DLG2: variants seen among roughly 807,000 people sequenced by gnomAD.
The protein encoded by DLG2 is disks large homolog 2.
Under a neutral mutation model 132.5 loss-of-function variants are expected in DLG2, and 45 were observed. That is an observed-to-expected ratio of 0.34 (90% confidence interval 0.27 to 0.44). The LOEUF is 0.44. DLG2 is among the 20% of genes least tolerant of loss of function. The pLI is 1.00. For synonymous variants in DLG2, 424 were observed against 419.6 expected (o/e 1.01, Z -0.13); for missense variants, 1,045 against 1,196.9 (o/e 0.87, Z 1.87).
intron 11 of DLG2, among the ~76,000 whole-genome samples, chr11:84,046,935 T>C (rs1006492599): frequency 2.6e-5 from 4 of 151,668 alleles, no homozygotes; most frequent in African/African-American, 9.7e-5. Context: ...GACAGCTTAG[T>C]GGCATTAGGA....
intron 15 of DLG2, among the ~76,000 whole-genome samples, chr11:83,910,432 T>C (rs11233801): frequency 6.6e-6 from 1 of 152,094 alleles, no homozygotes; most frequent in Non-Finnish European, 1.5e-5. Flanking sequence ...AACATGAACA[T>C]CAAATGAACG....
At chr11:84,339,156 C>G (rs768009439) in intron 7 of DLG2, among the ~76,000 whole-genome samples, 1 of 152,122 alleles carries the variant, frequency 6.6e-6, no homozygotes, top group Non-Finnish European at 1.5e-5. Context: ...ATTTCCCTAG[C>G]CTTCTCTTTG....
chr11:83,680,129 C>T (rs1324737339), intron 18 of DLG2, among the ~76,000 whole-genome samples: 1 of 152,062 alleles, frequency 6.6e-6, no homozygotes, highest in African/African-American at 2.4e-5. Flanking sequence ...TCTTTTGTTG[C>T]TATAAATAGA....
At chr11:84,442,792 T>C (rs1384297720) in intron 7 of DLG2, among the ~76,000 whole-genome samples, 3 of 152,160 alleles carry the variant, frequency 2.0e-5, no homozygotes, top group Non-Finnish European at 4.4e-5. Context: ...ATAAAATTAC[T>C]GATTTTCGGT....
At chr11:85,391,746 G>GATTAAA (rs1403810886) in intron 3 of DLG2, among the ~76,000 whole-genome samples, 1 of 152,042 alleles carries the variant, frequency 6.6e-6, no homozygotes, top group Admixed American at 6.6e-5. Flanking sequence ...ATCTCTTTAT[G>GATTAAA]ATTAAAATTC....
At chr11:83,750,219 A>G (rs749031739) in intron 18 of DLG2, among the ~76,000 whole-genome samples, 3 of 152,210 alleles carry the variant, frequency 2.0e-5, no homozygotes, top group Non-Finnish European at 4.4e-5. Context: ...CGTGTAGGAT[A>G]AAGAATATGG....
At chr11:85,027,163 A>C (rs1187837105) in intron 6 of DLG2, among the ~76,000 whole-genome samples, 1 of 142,216 alleles carries the variant, frequency 7.0e-6, no homozygotes, top group African/African-American at 2.6e-5. Flanking sequence ...CAGCATATAC[A>C]GTGTGGTCTC....
intron 6 of DLG2, among the ~76,000 whole-genome samples, chr11:84,799,092 C>T (rs1452235120): frequency 6.6e-6 from 1 of 152,168 alleles, no homozygotes; most frequent in Non-Finnish European, 1.5e-5. Flanking sequence ...CACACATTGC[C>T]CCAGTCCACT....
At chr11:83,864,843 T>C (rs1444569835) in intron 16 of DLG2, among the ~76,000 whole-genome samples, 2 of 152,144 alleles carry the variant, frequency 1.3e-5, no homozygotes, top group Non-Finnish European at 2.9e-5. Flanking sequence ...CATTTGGATA[T>C]ATAAAGATAG....
At chr11:83,995,218 G>A (rs1257998645) in intron 11 of DLG2, among the ~76,000 whole-genome samples, 1 of 152,070 alleles carries the variant, frequency 6.6e-6, no homozygotes, top group Non-Finnish European at 1.5e-5. Flanking sequence ...ACAGACCAAT[G>A]TGGAAAGAAT....
At chr11:85,601,087 G>A (rs1203644106) in intron 2 of DLG2, among the ~76,000 whole-genome samples, 1 of 152,162 alleles carries the variant, frequency 6.6e-6, no homozygotes, top group African/African-American at 2.4e-5. Context: ...TAACTCAAGA[G>A]CAGAGATGGT....
Position 84,210,544 on chromosome 11 carries a change from A to AG in DLG2, c.573+40693_573+40694insC, listed in dbSNP as rs141329247. 6.2e-3 allele frequency among the ~76,000 whole-genome samples: 923 copies of AG among 147,702 alleles called. 4 individuals are homozygous for AG. Among genetic ancestry groups the AG allele is most frequent in the Middle Eastern group, 0.011 (3 of 284 alleles). ...TAAAACTTAAATTAAAAAAAAAAAA[A>AG]AAGAATCTTCATTGCAGCTTTATTC... On this transcript the variant is annotated intron_variant, in intron 8 of 27. Transcript: ENST00000376104.
intron 6 of DLG2, among the ~76,000 whole-genome samples, chr11:84,934,595 T>C (rs1313518444): frequency 6.7e-6 from 1 of 148,232 alleles, no homozygotes; most frequent in Non-Finnish European, 1.5e-5. Flanking sequence ...TCATTATTAG[T>C]CTGTTACAAC....
At chr11:83,920,721 A>T (rs901728032) in intron 15 of DLG2, among the ~76,000 whole-genome samples, 4 of 152,156 alleles carry the variant, frequency 2.6e-5, no homozygotes, top group African/African-American at 9.7e-5. Context: ...GTACCCCATG[A>T]GATTGATACT....
chr11:84,071,301 T>C (rs927770545), intron 10 of DLG2, among the ~76,000 whole-genome samples: 4 of 151,956 alleles, frequency 2.6e-5, no homozygotes, highest in African/African-American at 9.7e-5. Flanking sequence ...GATGGGGTTT[T>C]GCCATGTTGC....
chr11:85,076,462 C>T (rs1255853445), intron 6 of DLG2, among the ~76,000 whole-genome samples: 16 of 151,962 alleles, frequency 1.1e-4, no homozygotes, highest in Admixed American at 5.9e-4. Context: ...GGCAACAACC[C>T]GGAAATGGTT....
At chr11:85,075,951 C>T (rs1184077291) in intron 6 of DLG2, among the ~76,000 whole-genome samples, 2 of 151,938 alleles carry the variant, frequency 1.3e-5, no homozygotes, top group East Asian at 3.9e-4. Context: ...AAGGGGGATA[C>T]AGGAACAGGA....
chr11:84,184,449 C>T (rs533275094), intron 8 of DLG2, among the ~76,000 whole-genome samples: 24 of 151,896 alleles, frequency 1.6e-4, no homozygotes, highest in Non-Finnish European at 3.1e-4. Context: ...TGTTTGAGTT[C>T]ATTGTAGATT....
At chr11:85,346,744 C>T (rs1198482606) in intron 3 of DLG2, among the ~76,000 whole-genome samples, 3 of 148,876 alleles carry the variant, frequency 2.0e-5, no homozygotes, top group African/African-American at 7.4e-5. Context: ...TTGGTTCAAA[C>T]GCCTGTGACA....
Sources: allele counts gnomAD v4.1 joint callset (sites outside exome capture counted in the v4.1 genomes callset), GRCh38; gene constraint gnomAD v4.1.1; transcripts MANE v1.5; gene names NCBI Gene and HGNC (gene_info 2026-07-23, HGNC 2026-07-21).